DOK6: variants seen among roughly 807,000 people sequenced by gnomAD.
The protein encoded by DOK6 is downstream of tyrosine kinase 6.
DOK6 carries 22 observed loss-of-function variants against 44.0 expected under a neutral mutation model. The ratio of observed to expected loss-of-function variants is 0.50; its 90% CI spans 0.36 to 0.71. The LOEUF (loss-of-function observed/expected upper bound fraction) is 0.71, where lower values mean the gene tolerates loss of function less well. Ranked by LOEUF, DOK6 falls within the 30% of genes least tolerant of loss-of-function variation. The pLI, the probability that DOK6 is intolerant of heterozygous loss-of-function variation, is 0.00. For missense variants in DOK6, 340 were observed against 416.4 expected, an observed-to-expected ratio of 0.82 and a Z score of 1.60; for synonymous variants, 166 against 145.5, an observed-to-expected ratio of 1.14 and a Z score of -1.01.
intron 6 of DOK6, among the ~76,000 whole-genome samples, chr18:69,740,266 C>G (rs2144738842): frequency 1.3e-5 from 2 of 152,262 alleles, no homozygotes; most frequent in East Asian, 3.9e-4. Context: ...TTTGGGTTAA[C>G]TTTAAACCAT....
chr18:69,809,391 A>G (rs1173830140), intron 7 of DOK6, among the ~76,000 whole-genome samples: 1 of 151,808 alleles, frequency 6.6e-6, no homozygotes, highest in Non-Finnish European at 1.5e-5. Flanking sequence ...AAGATACAGA[A>G]CAAGACAAGG....
intron 5 of DOK6, among the ~76,000 whole-genome samples, chr18:69,700,210 T>TATATAC (rs1391738352): frequency 8.0e-6 from 1 of 125,534 alleles, no homozygotes; most frequent in African/African-American, 3.0e-5. Context: ...GTTTTACATA[T>TATATAC]ATATACATAT....
intron 1 of DOK6, among the ~76,000 whole-genome samples, chr18:69,418,294 G>T (rs775200747): frequency 4.4e-5 from 6 of 136,166 alleles, no homozygotes; most frequent in Non-Finnish European, 8.5e-5. Flanking sequence ...TTTGGTGTTT[G>T]TTTTTGACTT....
chr18:69,751,651 T>C (rs1979182726), intron 6 of DOK6, among the ~76,000 whole-genome samples: 1 of 152,294 alleles, frequency 6.6e-6, no homozygotes, highest in Middle Eastern at 3.4e-3. Flanking sequence ...TAAATTTTAA[T>C]GTACGGAAAC....
chr18:69,614,431 A>G lies in DOK6; in HGVS notation c.289+14933A>G, dbSNP rs139282677. Among the ~76,000 whole-genome samples, 379 of 152,258 alleles carry G rather than the reference A, an allele frequency of 2.5e-3. 1 individual carries two copies. Among genetic ancestry groups the G allele is most frequent in the African/African-American group, 8.2e-3 (340 of 41,538 alleles). On this transcript the variant is annotated intron_variant, in intron 3 of 7. Coordinates refer to ENST00000382713, the MANE Select transcript of DOK6 (RefSeq NM_152721.6). ...TAGTTAGCAAGTAAAAATTCTGCTT[A>G]TTTAAGGTATGCAACTTGATGTTTC...
chr18:69,498,063 C>T (rs755706057), intron 1 of DOK6, among the ~76,000 whole-genome samples: 2 of 151,932 alleles, frequency 1.3e-5, no homozygotes, highest in Non-Finnish European at 2.9e-5. Flanking sequence ...CACAAATACA[C>T]ACACACACAG....
intron 1 of DOK6, among the ~76,000 whole-genome samples, chr18:69,541,164 C>T (rs1286401128): frequency 7.0e-6 from 1 of 143,274 alleles, no homozygotes; most frequent in Non-Finnish European, 1.6e-5. Context: ...TTTATTTTAC[C>T]CAAATATAAC....
At chr18:69,835,590 A>C (rs1378323730) in intron 7 of DOK6, among the ~76,000 whole-genome samples, 1 of 152,102 alleles carries the variant, frequency 6.6e-6, no homozygotes, top group Non-Finnish European at 1.5e-5. Context: ...TTCTGTCTCC[A>C]CCATCCATCC....
At chr18:69,429,823 A>G (rs1199218306) in intron 1 of DOK6, among the ~76,000 whole-genome samples, 1 of 151,846 alleles carries the variant, frequency 6.6e-6, no homozygotes, top group South Asian at 2.1e-4. Context: ...TTTCATTTAG[A>G]TGCACAGTAT....
intron 3 of DOK6, among the ~76,000 whole-genome samples, chr18:69,632,771 G>C (rs1039788843): frequency 6.6e-6 from 1 of 152,196 alleles, no homozygotes; most frequent in African/African-American, 2.4e-5. Context: ...AAATGCCCAT[G>C]CAATAAATAT....
At chr18:69,512,370 G>A (rs1438336257) in intron 1 of DOK6, among the ~76,000 whole-genome samples, 3 of 111,328 alleles carry the variant, frequency 2.7e-5, no homozygotes, top group Non-Finnish European at 4.9e-5. Context: ...GTAGAGTCTC[G>A]CTCTGTCACC....
In DOK6 at chr18:69,846,205, A is replaced by C. The variant is rs1160972558; in HGVS notation, c.*4822A>C. The stretch of plus-strand genomic sequence containing the variant: ...TTCCCAGGCAGGTGGAATGCTAGCT[A>C]GATCTAGAAGCACCCTTAAAGGTCA... On this transcript the variant is annotated 3_prime_UTR_variant, in exon 8 of 8. Coordinates refer to ENST00000382713, the MANE Select transcript of DOK6 (RefSeq NM_152721.6). 4 of 152,218 alleles carry C rather than the reference A, an allele frequency of 2.6e-5. No homozygotes were observed. The highest frequency in any genetic ancestry group is 4.4e-5 in the Non-Finnish European group (3 of 68,046). 9.4% of individuals were successfully genotyped at this position (152,218 alleles called of 1,614,324 possible).
At chr18:69,493,960 T>A (rs12456349) in intron 1 of DOK6, among the ~76,000 whole-genome samples, 68,695 of 152,012 alleles carry the variant, frequency 0.45, 15,953 homozygotes, top group African/African-American at 0.49. Context: ...GATAGCAATT[T>A]TATTCACACA....
rs534341331 is a variant in DOK6 at position 69,495,277 on chromosome 18, C to T, written c.67-69210C>T. Reference sequence around the variant, plus strand: ...GGCCACAGCTCTCCTCTCCCCTTCACCTTCAATGTGGCGAGCAAGGGGCAT... The same window carrying T: ...GGCCACAGCTCTCCTCTCCCCTTCATCTTCAATGTGGCGAGCAAGGGGCAT... On this transcript the variant is annotated intron_variant, in intron 1 of 7. Transcript: ENST00000382713. 2.6e-5 allele frequency among the ~76,000 whole-genome samples: 4 copies of T among 152,360 alleles called. No homozygotes were observed. In the East Asian group the frequency reaches 7.7e-4, roughly 29 times the overall value.
chr18:69,733,190 T>C (rs1029361143), intron 5 of DOK6, among the ~76,000 whole-genome samples: 2 of 131,220 alleles, frequency 1.5e-5, no homozygotes, highest in Non-Finnish European at 3.3e-5. Context: ...CTTGTCTCTA[T>C]GAAAAAAAAA....
At chr18:69,502,222 T>C (rs1475820567) in intron 1 of DOK6, among the ~76,000 whole-genome samples, 1 of 152,066 alleles carries the variant, frequency 6.6e-6, no homozygotes, top group East Asian at 1.9e-4. Context: ...TTGATAATTA[T>C]TATTGTTGGA....
chr18:69,427,588 A>T (rs1807061694), intron 1 of DOK6, among the ~76,000 whole-genome samples: 1 of 152,228 alleles, frequency 6.6e-6, no homozygotes, highest in African/African-American at 2.4e-5. Flanking sequence ...TATTCGGCCC[A>T]GCAATCCCAT....
chr18:69,768,334 A>G (rs1317062744), intron 7 of DOK6, among the ~76,000 whole-genome samples: 1 of 152,042 alleles, frequency 6.6e-6, no homozygotes, highest in East Asian at 1.9e-4. Flanking sequence ...ACAAACACAT[A>G]TATACACAGA....
At chr18:69,664,673 T>A (rs916477424) in intron 3 of DOK6, among the ~76,000 whole-genome samples, 1 of 152,112 alleles carries the variant, frequency 6.6e-6, no homozygotes, top group Admixed American at 6.6e-5. Flanking sequence ...TCAGACTGTG[T>A]GCATTTAAAG....
Sources: allele counts gnomAD v4.1 joint callset (sites outside exome capture counted in the v4.1 genomes callset), GRCh38; gene constraint gnomAD v4.1.1; transcripts MANE v1.5; gene names NCBI Gene and HGNC (gene_info 2026-07-23, HGNC 2026-07-21).